LNX1: variants seen among roughly 807,000 people sequenced by gnomAD.
LNX1 encodes ligand of numb-protein X 1.
Under a neutral mutation model 68.4 loss-of-function variants are expected in LNX1, and 54 were observed. The ratio of observed to expected loss-of-function variants is 0.79; its 90% CI spans 0.63 to 0.99. The LOEUF (loss-of-function observed/expected upper bound fraction) is 0.99. LNX1 is among the 50% of genes least tolerant of loss of function. LNX1 has a pLI of 0.00. For missense variants in LNX1, 906 were observed against 926.4 expected (o/e 0.98, Z 0.29); for synonymous variants, 336 against 350.0 (o/e 0.96, Z 0.45).
At chr4:53,584,425 T>C (rs866756698) in intron 1 of LNX1, among the ~76,000 whole-genome samples, 2 of 152,176 alleles carry the variant, frequency 1.3e-5, no homozygotes, top group Non-Finnish European at 1.5e-5. Flanking sequence ...GAATACATAA[T>C]ACATGGCAAT....
At chr4:53,645,075 C>T (rs560134778) in intron 1 of LNX1, among the ~76,000 whole-genome samples, 47 of 152,268 alleles carry the variant, frequency 3.1e-4, no homozygotes, top group African/African-American at 1.1e-3. Flanking sequence ...CACAGCCAGG[C>T]AGTGTCCACG....
At chr4:53,588,671 T>C (rs1732321092) in intron 1 of LNX1, among the ~76,000 whole-genome samples, 1 of 152,152 alleles carries the variant, frequency 6.6e-6, no homozygotes, top group African/African-American at 2.4e-5. Flanking sequence ...AAGTACACCA[T>C]TTTAGCGTCC....
At chr4:53,611,693 A>C (rs1270697028) in intron 2 of LNX1, among the ~76,000 whole-genome samples, 1 of 152,188 alleles carries the variant, frequency 6.6e-6, no homozygotes, top group Non-Finnish European at 1.5e-5. Flanking sequence ...TAATCTTCAA[A>C]TCAGTGTCCT....
chr4:53,577,648 C>T (rs562833690), intron 1 of LNX1, among the ~76,000 whole-genome samples: 1 of 152,058 alleles, frequency 6.6e-6, no homozygotes. Flanking sequence ...CTCCTGGCCT[C>T]AAGCAATCCT....
At chr4:53,481,085 A>T (rs1042234230) in intron 7 of LNX1, among the ~76,000 whole-genome samples, 3 of 152,170 alleles carry the variant, frequency 2.0e-5, no homozygotes, top group Non-Finnish European at 2.9e-5. Context: ...CACAGAGAGA[A>T]GTACAAATTG....
chr4:53,538,440 G>T (rs1439378250), intron 2 of LNX1, among the ~76,000 whole-genome samples: 1 of 152,048 alleles, frequency 6.6e-6, no homozygotes, highest in Non-Finnish European at 1.5e-5. Flanking sequence ...TAGTGGAGGA[G>T]GCAGGCATGA....
At chr4:53,508,254 A>G in intron 2 of LNX1, 27 bp from the exon 3 acceptor site, 1 of 1,605,092 alleles carries the variant, frequency 6.2e-7, no homozygotes, top group Non-Finnish European at 8.5e-7. Context: ...GGGGAGGTGA[A>G]GAAGAGCTTT....
chr4:53,575,936 C>T, intron 1 of LNX1: 3 of 1,567,056 alleles, frequency 1.9e-6, no homozygotes, highest in East Asian at 2.3e-5. Flanking sequence ...GGGGTCAGCA[C>T]CAACCTGCCG....
intron 4 of LNX1, among the ~76,000 whole-genome samples, chr4:53,505,266 T>TTC (rs1725795480): frequency 2.6e-5 from 1 of 38,578 alleles, no homozygotes; most frequent in Admixed American, 3.5e-4. Context: ...TCAAGATAAC[T>TTC]TTTTTTTTTT....
intron 2 of LNX1, among the ~76,000 whole-genome samples, chr4:53,519,503 C>G (rs1055607470): frequency 6.6e-6 from 1 of 151,222 alleles, no homozygotes; most frequent in African/African-American, 2.4e-5. Flanking sequence ...AACTTCCCCC[C>G]ACTGGTTGTA....
At chr4:53,643,775 A>G (rs1173529128) in intron 1 of LNX1, among the ~76,000 whole-genome samples, 6 of 152,244 alleles carry the variant, frequency 3.9e-5, no homozygotes, top group Non-Finnish European at 8.8e-5. Flanking sequence ...CACCTGAAAC[A>G]TGGAAATAAC....
chr4:53,554,901 G>A (rs1729792112), intron 2 of LNX1, among the ~76,000 whole-genome samples: 1 of 151,694 alleles, frequency 6.6e-6, no homozygotes, highest in South Asian at 2.1e-4. Flanking sequence ...TTGACTTTGA[G>A]AAACCTGGGC....
At chr4:53,626,077 C>T (rs1483907010) in intron 1 of LNX1, among the ~76,000 whole-genome samples, 1 of 152,076 alleles carries the variant, frequency 6.6e-6, no homozygotes. Context: ...TGAATATTGA[C>T]ATATGTTGCG....
At chr4:53,571,650 T>C (rs1487169231) in intron 2 of LNX1, among the ~76,000 whole-genome samples, 2 of 151,464 alleles carry the variant, frequency 1.3e-5, no homozygotes, top group African/African-American at 4.9e-5. Flanking sequence ...CCCTCAAAAC[T>C]GTATGGTAAC....
intron 2 of LNX1, among the ~76,000 whole-genome samples, chr4:53,550,753 G>T (rs1479840004): frequency 6.6e-6 from 1 of 152,160 alleles, no homozygotes; most frequent in African/African-American, 2.4e-5. Flanking sequence ...AGGTCCTGGA[G>T]TTCATGGCCC....
chr4:53,461,917 C>A (rs1722163810), intron 9 of LNX1, among the ~76,000 whole-genome samples: 1 of 151,946 alleles, frequency 6.6e-6, no homozygotes, highest in Non-Finnish European at 1.5e-5. Context: ...GTTGGATAAA[C>A]CTAAATCCTT....
intron 2 of LNX1, among the ~76,000 whole-genome samples, chr4:53,536,271 T>A (rs17082975): frequency 1.8e-4 from 27 of 152,296 alleles, no homozygotes; most frequent in African/African-American, 6.5e-4. Flanking sequence ...ACCTAACAAT[T>A]TCTTCCAGTG....
rs59260730 is a variant in LNX1, at chr4:53,506,856, T to TAAAAAAAAAAAAAAAAAAAAAAAA, written c.775+460_775+461insTTTTTTTTTTTTTTTTTTTTTTTT. On this transcript the variant is annotated intron_variant, in intron 4 of 10. Coordinates refer to ENST00000263925, the MANE Select transcript of LNX1 (RefSeq NM_001126328.3). The stretch of plus-strand genomic sequence containing the variant: ...CCTGGGCGACAAGCAAAACTCTGTC[T>TAAAAAAAAAAAAAAAAAAAAAAAA]AAAAAAAAAAAAAAAAAAAGAGGAA... Among the ~76,000 whole-genome samples, 48 of 54,164 alleles carry TAAAAAAAAAAAAAAAAAAAAAAAA rather than the reference T, an allele frequency of 8.9e-4. 1 individual carries two copies. Among genetic ancestry groups the TAAAAAAAAAAAAAAAAAAAAAAAA allele is most frequent in the African/African-American group, 2.0e-3 (32 of 16,134 alleles). 35.5% of individuals were successfully genotyped at this position (54,164 alleles called of 152,430 possible). A position where few individuals can be genotyped will look rare whatever the true frequency, so the allele number is the denominator to read the frequency against.
chr4:53,550,429 C>G (rs1390603138), intron 2 of LNX1, among the ~76,000 whole-genome samples: 1 of 152,192 alleles, frequency 6.6e-6, no homozygotes. Flanking sequence ...CAGGACAAGA[C>G]AAATCCAGGG....
Sources: allele counts gnomAD v4.1 joint callset (sites outside exome capture counted in the v4.1 genomes callset), GRCh38; gene constraint gnomAD v4.1.1; transcripts MANE v1.5; gene names NCBI Gene and HGNC (gene_info 2026-07-23, HGNC 2026-07-21).